Variants in OTC observed in about 807,000 individuals in gnomAD.
OTC encodes ornithine transcarbamylase, mitochondrial.
A neutral mutation model predicts 30.3 loss-of-function variants in OTC; 3 were observed. The ratio of observed to expected loss-of-function variants is 0.10; its 90% confidence interval spans 0.05 to 0.26. OTC has a LOEUF of 0.26. Among genes scored for constraint, OTC ranks in the 10% least tolerant of loss-of-function variants. The probability of loss-of-function intolerance (pLI) is 1.00; values close to 1 mark genes in which losing one functional copy is unlikely to be tolerated. For synonymous variants in OTC, 111 were observed against 99.7 expected (o/e 1.11, Z -0.67); for missense variants, 194 against 260.3 (o/e 0.75, Z 1.75).
the OTC span, among the ~76,000 whole-genome samples, chrX:38,341,157 A>G: frequency 3.6e-5 from 4 of 111,728 alleles, no homozygotes; most frequent in African/African-American, 1.3e-4. Flanking sequence ...TTTTCACTCA[A>G]TGTTATGTCT....
intron 1 of OTC, among the ~76,000 whole-genome samples, chrX:38,357,808 G>A (rs1268694547): frequency 8.9e-6 from 1 of 111,942 alleles, no homozygotes; most frequent in Non-Finnish European, 1.9e-5. Flanking sequence ...AGTGATTTGG[G>A]GTTAAGAAAT....
chrX:38,358,086 A>G (rs2068251040), intron 1 of OTC, among the ~76,000 whole-genome samples: 1 of 111,391 alleles, frequency 9.0e-6, no homozygotes, highest in Non-Finnish European at 1.9e-5. Flanking sequence ...AGCATTTTAC[A>G]GGAGACTCGA....
At chrX:38,400,086 A>T (rs2068477605) in intron 4 of OTC, among the ~76,000 whole-genome samples, 1 of 110,494 alleles carries the variant, frequency 9.1e-6, no homozygotes, top group Non-Finnish European at 1.9e-5. Context: ...TTGATGTTAA[A>T]ATATCCTTTT....
chrX:38,336,748 A>T, the OTC span, among the ~76,000 whole-genome samples: 1 of 110,330 alleles, frequency 9.1e-6, no homozygotes, highest in Non-Finnish European at 1.9e-5. Context: ...AAGGGGTGGG[A>T]AGAAAGAATA....
At chrX:38,397,755 T>C (rs2068464628) in intron 4 of OTC, among the ~76,000 whole-genome samples, 1 of 111,439 alleles carries the variant, frequency 9.0e-6, no homozygotes, top group African/African-American at 3.3e-5. Flanking sequence ...CCCACTTTCC[T>C]CCCACCTCCT....
At chrX:38,351,640 T>G (rs188424753), upstream of OTC, among the ~76,000 whole-genome samples, 29 of 112,595 alleles carry the variant, frequency 2.6e-4, no homozygotes, top group African/African-American at 9.3e-4. Context: ...AAGTTGCAGA[T>G]GGCCCCTTAG....
chrX:38,376,740 C>T (rs911774370), intron 3 of OTC, among the ~76,000 whole-genome samples: 4 of 111,945 alleles, frequency 3.6e-5, no homozygotes, highest in African/African-American at 9.7e-5. Flanking sequence ...GATAAAAAGA[C>T]AAGGCCATTA....
At chrX:38,399,923 A>G (rs1372400521) in intron 4 of OTC, among the ~76,000 whole-genome samples, 1 of 111,503 alleles carries the variant, frequency 9.0e-6, no homozygotes, top group African/African-American at 3.3e-5. Context: ...GCAGTGGTTT[A>G]CAAATCTCTA....
intron 3 of OTC, among the ~76,000 whole-genome samples, chrX:38,374,304 C>T (rs1177485506): frequency 9.1e-6 from 1 of 109,807 alleles, no homozygotes; most frequent in Non-Finnish European, 1.9e-5. Context: ...GAGTGGAAGC[C>T]CATCTCTCTG....
At chrX:38,374,536 T>C (rs2068336734) in intron 3 of OTC, among the ~76,000 whole-genome samples, 1 of 111,480 alleles carries the variant, frequency 9.0e-6, no homozygotes, top group Non-Finnish European at 1.9e-5. Flanking sequence ...CATGAACTGC[T>C]GAAGTCTTTG....
chrX:38,406,939 A>G (rs767666666), intron 6 of OTC, among the ~76,000 whole-genome samples: 1 of 112,740 alleles, frequency 8.9e-6, no homozygotes, highest in African/African-American at 3.2e-5. Flanking sequence ...TCATGTGCAA[A>G]TAAACACAAT....
At chrX:38,355,142 A>G (rs777146886) in intron 1 of OTC, among the ~76,000 whole-genome samples, 1 of 111,909 alleles carries the variant, frequency 8.9e-6, no homozygotes, top group African/African-American at 3.2e-5. Flanking sequence ...TCATATCGCC[A>G]TGGACATGAT....
chrX:38,418,126 C>G (rs1212394250), intron 9 of OTC, among the ~76,000 whole-genome samples: 1 of 111,663 alleles, frequency 9.0e-6, no homozygotes, highest in African/African-American at 3.3e-5. Flanking sequence ...AGATCCCCCC[C>G]TCTCTGCATT....
At position 38,411,305 on chromosome X, in the gene OTC, A is replaced by T. The variant is rs1031788576; in HGVS notation, c.868-557A>T. 3.7e-5 allele frequency among the ~76,000 whole-genome samples: 4 copies of T among 109,234 alleles called. No homozygotes were observed. The Admixed American group carries it at 3.9e-4, about 11-fold the overall frequency. The allele number at this position is 109,234 out of a possible 115,157, so 94.9% of individuals were successfully genotyped here. Reference sequence around the variant, plus strand: ...AAAGGTCTACTGTTCCACTAAATAGAATAACAGAAAACTGAGTTACTGGTG... The same window carrying T: ...AAAGGTCTACTGTTCCACTAAATAGTATAACAGAAAACTGAGTTACTGGTG... On this transcript the variant is annotated intron_variant, in intron 8 of 9. Coordinates refer to ENST00000039007, the MANE Select transcript of OTC (RefSeq NM_000531.6).
chrX:38,360,052 C>A (rs964583677), intron 1 of OTC, among the ~76,000 whole-genome samples: 12 of 108,753 alleles, frequency 1.1e-4, no homozygotes, highest in African/African-American at 1.7e-4. Context: ...CAAGGAGTAG[C>A]TGGGATTACA....
intron 1 of OTC, among the ~76,000 whole-genome samples, chrX:38,356,044 C>G (rs2068238945): frequency 2.0e-5 from 1 of 49,197 alleles, no homozygotes; most frequent in African/African-American, 9.2e-5. Flanking sequence ...GAGCGAGACT[C>G]TGTCTCAAAA....
chrX:38,401,654 A>G (rs750037784), intron 5 of OTC, among the ~76,000 whole-genome samples: 3 of 111,764 alleles, frequency 2.7e-5, no homozygotes, highest in South Asian at 3.8e-4. Context: ...CTTTTAGCCC[A>G]TATCTCATCT....
upstream of OTC, among the ~76,000 whole-genome samples, chrX:38,351,992 C>T (rs1051143814): frequency 9.0e-6 from 1 of 111,653 alleles, no homozygotes; most frequent in Admixed American, 9.5e-5. Context: ...AACTCCTGGG[C>T]TCAAGTGATC....
At chrX:38,422,511 A>G (rs1274553058), downstream of OTC, among the ~76,000 whole-genome samples, 1 of 112,145 alleles carries the variant, frequency 8.9e-6, no homozygotes, top group Non-Finnish European at 1.9e-5. Flanking sequence ...ATGGTCTGCC[A>G]TAGTAACGAG....
Sources: gnomAD v4.1 joint callset for allele counts (sites outside exome capture counted in the v4.1 genomes callset) on GRCh38, gnomAD v4.1.1 for gene constraint, MANE v1.5 for transcripts, NCBI Gene and HGNC (gene_info 2026-07-23, HGNC 2026-07-21) for gene names.